ZNF398: variants seen among roughly 807,000 people sequenced by gnomAD.
The protein encoded by ZNF398 is zinc finger protein 398.
A neutral mutation model predicts 41.9 loss-of-function variants in ZNF398; 18 were observed. That is an observed-to-expected ratio of 0.43 (90% CI 0.30 to 0.64). ZNF398 has a LOEUF of 0.64. Among genes scored for constraint, ZNF398 ranks in the 30% least tolerant of loss-of-function variants. The pLI is 0.14. For missense variants in ZNF398, 669 were observed against 822.8 expected (o/e 0.81, Z 2.29); for synonymous variants, 260 against 308.8 (o/e 0.84, Z 1.66).
rs529754722 is a variant in ZNF398 at position 149,179,486 on chromosome 7, C to T, written c.1614C>T (p.Pro538=). The T allele has an allele frequency of 6.2e-7, 1 of 1,614,198 alleles. No individual in the cohort carries two copies. Among genetic ancestry groups the T allele is most frequent in the South Asian group, 1.1e-5 (1 of 91,086 alleles). ...NHRRLHTGER[P]FSCPHCGKSF... Reference sequence around the variant, plus strand: ...GGCGGCTGCACACAGGCGAGCGGCCCTTCAGTTGTCCTCACTGTGGCAAGA... The same window carrying T: ...GGCGGCTGCACACAGGCGAGCGGCCTTTCAGTTGTCCTCACTGTGGCAAGA... Residue 538 remains proline (P), a synonymous_variant, in exon 6 of 6, where the codon CCC becomes CCT. Transcript: ENST00000475153. The surrounding 1 kb of genome is among the most constrained non-coding windows in gnomAD (Gnocchi z 6.1).
intron 2 of ZNF398, among the ~76,000 whole-genome samples, chr7:149,155,724 T>TTTTA (rs1794958455): frequency 1.2e-5 from 1 of 83,670 alleles, no homozygotes; most frequent in Non-Finnish European, 2.2e-5. Context: ...TTTTTTTTTT[T>TTTTA]TTTTTAATTT....
rs759506233 is a variant in ZNF398, at chr7:149,178,682, T to C, written c.810T>C (p.Ala270=). The C allele has an allele frequency of 5.0e-6, 8 of 1,614,182 alleles. No homozygotes were observed. The South Asian group carries it at 8.8e-5, about 18-fold the overall frequency. ...EELVIKAEGL[A]RSSLCPEVPV... ...TTGTCATCAAAGCTGAAGGCCTTGCTAGATCCTCGTTGTGCCCTGAGGTTC... is the reference window on the plus strand; with the variant it reads ...TTGTCATCAAAGCTGAAGGCCTTGCCAGATCCTCGTTGTGCCCTGAGGTTC... Residue 270 remains alanine (A), a synonymous_variant, in exon 6 of 6, where the codon GCT becomes GCC. Transcript: ENST00000475153.
chr7:149,172,402 A>G (rs972821224), intron 4 of ZNF398, among the ~76,000 whole-genome samples: 2 of 152,116 alleles, frequency 1.3e-5, no homozygotes, highest in Admixed American at 6.6e-5. Flanking sequence ...CTTAGAAGCT[A>G]TGTCAACTGT....
At chr7:149,155,318 G>A (rs181909983) in intron 2 of ZNF398, among the ~76,000 whole-genome samples, 1 of 152,230 alleles carries the variant, frequency 6.6e-6, no homozygotes, top group East Asian at 1.9e-4. Flanking sequence ...TACTTGGGAA[G>A]CTGAGGCAGG....
In ZNF398 at chr7:149,182,208, G is replaced by A. The variant is rs1461187676; in HGVS notation, c.*2407G>A. On this transcript the variant is annotated 3_prime_UTR_variant, in exon 6 of 6. Coordinates refer to ENST00000475153, the MANE Select transcript of ZNF398 (RefSeq NM_170686.3). ...AGGGACCTAAACTTTGGCAAAAAGT[G>A]AACACAATTCAAATACGAATGAAGG... is the stretch of plus-strand genomic sequence containing the variant. The A allele has an allele frequency of 6.6e-6, 1 of 152,180 alleles. No individual in the cohort carries two copies. The highest frequency in any genetic ancestry group is 2.4e-5 in the African/African-American group (1 of 41,426). 9.4% of individuals were successfully genotyped at this position (152,180 alleles called of 1,614,324 possible).
chr7:149,166,810 C>G lies in ZNF398; in HGVS notation c.548-7C>G. On this transcript the variant is annotated splice_polypyrimidine_tract_variant and splice_region_variant and intron_variant, in intron 3 of 5. Coordinates refer to ENST00000475153, the MANE Select transcript of ZNF398 (RefSeq NM_170686.3). ...GTAATACTCTCTCTTCCTTTTTCCT[C>G]TCCTAGATTATGCTATAAATCAACC... 4 of 1,589,356 alleles carry G rather than the reference C, an allele frequency of 2.5e-6. No homozygotes were observed. Among genetic ancestry groups the G allele is most frequent in the Non-Finnish European group, 3.4e-6 (4 of 1,160,018 alleles).
chr7:149,154,850 G>A (rs1442537949), intron 2 of ZNF398, among the ~76,000 whole-genome samples: 1 of 151,966 alleles, frequency 6.6e-6, no homozygotes, highest in East Asian at 1.9e-4. Context: ...TTAGCCGGGT[G>A]TGGTAGCACA....
In ZNF398 at chr7:149,179,653, G is replaced by C. The variant is rs776641340; in HGVS notation, c.1781G>C (p.Cys594Ser). The C allele has an allele frequency of 1.8e-5, 29 of 1,614,128 alleles. No individual in the cohort carries two copies. In the South Asian group the frequency reaches 3.2e-4, roughly 18 times the overall value. Residue 594 changes from cysteine to serine, a missense_variant, in exon 6 of 6, where the codon TGT becomes TCT. Physicochemically the swap from Cys to Ser is moderately radical, Grantham distance 112. This residue lies in a region of ZNF398 where 210 missense variants were observed against 290.4 expected (regional missense o/e 0.72). Transcript: ENST00000475153. The surrounding 1 kb of genome is among the most constrained non-coding windows in gnomAD (Gnocchi z 6.1). Reference sequence around the variant, plus strand: ...CTCCGTTCAGGCCACAATGGAGGCTGTGGGGGTGATAGTGACCCATCAGGT... The same window carrying C: ...CTCCGTTCAGGCCACAATGGAGGCTCTGGGGGTGATAGTGACCCATCAGGT... ...DHLRSGHNGG[C>S]GGDSDPSGQP... is the part of the protein sequence containing the mutation.
chr7:149,162,900 G>T (rs1795140971), intron 2 of ZNF398, among the ~76,000 whole-genome samples: 1 of 148,810 alleles, frequency 6.7e-6, no homozygotes, highest in Non-Finnish European at 1.5e-5. Context: ...TGGGGGGAGG[G>T]GGGCGGCGGA....
rs67225033 is a variant in ZNF398, at chr7:149,157,836, C to CAAA, written c.420+3514_420+3516dup. Among the ~76,000 whole-genome samples the CAAA allele has an allele frequency of 2.6e-3, 158 of 59,664 alleles. 1 individual carries two copies. Among genetic ancestry groups the CAAA allele is most frequent in the African/African-American group, 8.5e-3 (131 of 15,350 alleles). 39.1% of individuals were successfully genotyped at this position (59,664 alleles called of 152,430 possible). On this transcript the variant is annotated intron_variant, in intron 2 of 5. Transcript: ENST00000475153. Reference sequence around the variant, plus strand: ...CTGGCGACAGAGTAAGACTCTGTCTCAAAAAAAAAAAAAAAAAAAAGAGTC... The same window carrying CAAA: ...CTGGCGACAGAGTAAGACTCTGTCTCAAAAAAAAAAAAAAAAAAAAAAAGAGTC...
Position 149,179,101 on chromosome 7 carries a change from CATCAAGACTT to C in ZNF398, c.1231_1240del (p.Ser411ProfsTer53). On this transcript the variant is annotated frameshift_variant, in exon 6 of 6. Coordinates refer to ENST00000475153, the MANE Select transcript of ZNF398 (RefSeq NM_170686.3). LOFTEE classifies it high-confidence loss of function. The surrounding 1 kb of genome is among the most constrained non-coding windows in gnomAD (Gnocchi z 6.1). ...CACTGTGCCAGGACTTTTACTCACC[CATCAAGACTT>C]ACCTACCATCTTCGGGTCCATAACA... The C allele has an allele frequency of 6.2e-7, 1 of 1,614,104 alleles. No homozygotes were observed. Among genetic ancestry groups the C allele is most frequent in the South Asian group, 1.1e-5 (1 of 91,074 alleles).
intron 4 of ZNF398, among the ~76,000 whole-genome samples, chr7:149,173,326 C>T (rs368015119): frequency 1.3e-5 from 2 of 151,876 alleles, no homozygotes; most frequent in African/African-American, 2.4e-5. Flanking sequence ...AGGTTGATCT[C>T]GAACTCCCGA....
exon 1 of ZNF398, chr7:149,126,493 C>T (rs560980718): frequency 1.9e-6 from 1 of 529,852 alleles, no homozygotes; most frequent in Non-Finnish European, 3.3e-6. Context: ...CTTGGACTCC[C>T]GGATCTGCAT....
intron 2 of ZNF398, among the ~76,000 whole-genome samples, chr7:149,136,564 A>C (rs907779331): frequency 1.3e-4 from 20 of 152,130 alleles, no homozygotes; most frequent in African/African-American, 4.8e-4. Flanking sequence ...ATCTTCATTT[A>C]AGTGCTTTTT....
At chr7:149,156,338 C>G (rs71532763) in intron 2 of ZNF398, among the ~76,000 whole-genome samples, 25 of 150,744 alleles carry the variant, frequency 1.7e-4, no homozygotes, top group African/African-American at 5.9e-4. Flanking sequence ...AACCCCGTCT[C>G]TACTAAAAAT....
rs907674418 is a variant in ZNF398, at chr7:149,182,273, A to T, written c.*2472A>T. 6.6e-6 allele frequency: 1 copy of T among 152,242 alleles called. No individual in the cohort carries two copies. The highest frequency in any genetic ancestry group is 1.5e-5 in the Non-Finnish European group (1 of 68,044). 9.4% of individuals were successfully genotyped at this position (152,242 alleles called of 1,614,324 possible). On this transcript the variant is annotated 3_prime_UTR_variant, in exon 6 of 6. Coordinates refer to ENST00000475153, the MANE Select transcript of ZNF398 (RefSeq NM_170686.3). ...GGAACGAAAGGCGATGTGCAAGGCC[A>T]TCCCAGAGAGACGGAAGCAGGTGCG...
chr7:149,130,327 C>T (rs1826571817), intron 2 of ZNF398, among the ~76,000 whole-genome samples: 1 of 152,196 alleles, frequency 6.6e-6, no homozygotes, highest in African/African-American at 2.4e-5. Flanking sequence ...AACTCCTAAC[C>T]TCAAGTGATC....
Position 149,179,124 on chromosome 7 carries a change from C to T in ZNF398, c.1252C>T (p.Arg418Trp), listed in dbSNP as rs775808659. ...THPSRLTYHL[R>W]VHNSTERPFP... ...CCCATCAAGACTTACCTACCATCTT[C>T]GGGTCCATAACAGCACTGAGCGTCC... Residue 418 changes from arginine (R) to tryptophan (W), a missense_variant, in exon 6 of 6, where the codon CGG becomes TGG. By Grantham distance (101) the Arg-to-Trp change is moderately radical (BLOSUM62 -3). Around this residue, in one of 3 missense-constraint regions of ZNF398, gnomAD observed 290 missense variants for 292.9 expected, o/e 0.99. Transcript: ENST00000475153. This position sits in a 1 kb window ranked among gnomAD's most constrained non-coding sequence, Gnocchi z 6.1. The T allele has an allele frequency of 6.8e-6, 11 of 1,614,074 alleles. No homozygotes were observed. The highest frequency in any genetic ancestry group is 1.1e-5 in the South Asian group (1 of 91,076).
chr7:149,157,727 A>G (rs897766927), intron 2 of ZNF398, among the ~76,000 whole-genome samples: 7 of 151,276 alleles, frequency 4.6e-5, no homozygotes, highest in African/African-American at 1.5e-4. Context: ...AGTCCCAGCT[A>G]CTTGGGAGGC....
Sources: allele counts gnomAD v4.1 joint callset (sites outside exome capture counted in the v4.1 genomes callset), GRCh38; gene constraint gnomAD v4.1.1; regional missense constraint gnomAD v4.1.1; non-coding constraint Gnocchi (gnomAD v3.1); transcripts MANE v1.5; gene names NCBI Gene and HGNC (gene_info 2026-07-23, HGNC 2026-07-21).